SYT1: variants seen among roughly 807,000 people sequenced by gnomAD.
SYT1 encodes synaptotagmin 1.
In SYT1, 8 loss-of-function variants were observed where a neutral mutation model predicts 44.8. The observed-to-expected ratio is 0.18, with a 90% confidence interval of 0.10 to 0.32. The LOEUF (loss-of-function observed/expected upper bound fraction) is 0.32, where lower values mean the gene tolerates loss of function less well. SYT1 is among the 10% of genes least tolerant of loss of function. The pLI is 1.00. For synonymous variants in SYT1, 154 were observed against 188.8 expected, an observed-to-expected ratio of 0.82 and a Z score of 1.51; for missense variants, 286 against 509.3, an observed-to-expected ratio of 0.56 and a Z score of 4.22.
Position 79,285,818 on chromosome 12 carries a change from A to G in SYT1, c.198A>G (p.Ile66Met). ...CGTGGGCCTTAATTGCAATAGCCAT[A>G]GTCGCAGTCCTTTTAGTCCTGACCT... is the stretch of plus-strand genomic sequence containing the variant. The part of the protein sequence containing the change: ...LPPWALIAIA[I>M]VAVLLVLTCC... The change falls in exon 5 of 11, where the codon ATA becomes ATG. Residue 66 changes from isoleucine to methionine, a missense_variant. Transcript: ENST00000261205. The G allele has an allele frequency of 6.2e-7, 1 of 1,610,836 alleles. No homozygotes were observed. Among genetic ancestry groups the G allele is most frequent in the Non-Finnish European group, 8.5e-7 (1 of 1,179,216 alleles).
At chr12:79,283,675 CTTT>C (rs1202070368) in intron 4 of SYT1, among the ~76,000 whole-genome samples, 1 of 152,034 alleles carries the variant, frequency 6.6e-6, no homozygotes, top group Non-Finnish European at 1.5e-5. Context: ...GAGATAGATG[CTTT>C]TAAATGAAGT....
At chr12:79,179,535 A>ATAGATATATCTATATAGATATAGATT (rs1565842542) in intron 3 of SYT1, among the ~76,000 whole-genome samples, 14 of 130,420 alleles carry the variant, frequency 1.1e-4, no homozygotes, top group African/African-American at 3.4e-4. Flanking sequence ...AGATATAGAT[A>ATAGATATATCTATATAGATATAGATT]TAGATATAGA....
intron 4 of SYT1, among the ~76,000 whole-genome samples, chr12:79,259,396 T>G (rs1877706477): frequency 6.6e-6 from 1 of 152,208 alleles, no homozygotes; most frequent in African/African-American, 2.4e-5. Context: ...TCTAACACCT[T>G]TAAGCTTAAA....
chr12:79,349,035 A>AAAGAAAGAAAGAAAG (rs1565919879), intron 8 of SYT1, among the ~76,000 whole-genome samples: 20 of 113,294 alleles, frequency 1.8e-4, no homozygotes, highest in African/African-American at 5.3e-4. Flanking sequence ...AAGAAAGAAA[A>AAAGAAAGAAAGAAAG]AGAAAGAAAG....
chr12:79,039,700 C>A (rs1490446133), intron 2 of SYT1, among the ~76,000 whole-genome samples: 1 of 149,520 alleles, frequency 6.7e-6, no homozygotes, highest in Non-Finnish European at 1.5e-5. Context: ...TATACATGTG[C>A]CATGCTGGTG....
chr12:79,115,801 CTCAGCA>C, intron 3 of SYT1, among the ~76,000 whole-genome samples: 1 of 152,278 alleles, frequency 6.6e-6, no homozygotes, highest in Non-Finnish European at 1.5e-5. Flanking sequence ...TCCTTTATTG[CTCAGCA>C]TGCCATCCAG....
At chr12:79,327,612 A>T (rs1398883858) in intron 8 of SYT1, among the ~76,000 whole-genome samples, 1 of 152,220 alleles carries the variant, frequency 6.6e-6, no homozygotes, top group Non-Finnish European at 1.5e-5. Context: ...TTTTGCATTA[A>T]TCTGATGATT....
chr12:79,305,351 G>A (rs985162085), intron 8 of SYT1, among the ~76,000 whole-genome samples: 4 of 152,034 alleles, frequency 2.6e-5, no homozygotes, highest in East Asian at 3.9e-4. Context: ...TCTCCCTCAC[G>A]TTGTCATACT....
intron 3 of SYT1, among the ~76,000 whole-genome samples, chr12:79,191,465 G>A (rs1462164514): frequency 1.3e-5 from 2 of 152,028 alleles, no homozygotes; most frequent in East Asian, 3.9e-4. Flanking sequence ...ATAAAAATAG[G>A]CAAAGCCTTA....
chr12:79,305,714 GAGATT>G (rs1880360165), intron 8 of SYT1, among the ~76,000 whole-genome samples: 1 of 152,118 alleles, frequency 6.6e-6, no homozygotes, highest in African/African-American at 2.4e-5. Flanking sequence ...GCCATTTTTT[GAGATT>G]GAGTCTCACT....
At chr12:79,211,052 A>G (rs944299392) in intron 3 of SYT1, among the ~76,000 whole-genome samples, 2 of 151,892 alleles carry the variant, frequency 1.3e-5, no homozygotes, top group African/African-American at 4.8e-5. Flanking sequence ...AAAATAATTC[A>G]GGTTTACAAT....
At chr12:79,127,745 G>A (rs1027943294) in intron 3 of SYT1, among the ~76,000 whole-genome samples, 31 of 152,190 alleles carry the variant, frequency 2.0e-4, no homozygotes, top group African/African-American at 6.8e-4. Flanking sequence ...CACAGAAGAC[G>A]AAAAGCTCAT....
At chr12:79,314,049 G>C (rs543844062) in intron 8 of SYT1, among the ~76,000 whole-genome samples, 2 of 150,258 alleles carry the variant, frequency 1.3e-5, no homozygotes, top group African/African-American at 5.0e-5. Flanking sequence ...GGCGCCTGTA[G>C]TCCCAGCTAC....
chr12:79,271,996 A>T (rs1332909132), intron 4 of SYT1, among the ~76,000 whole-genome samples: 1 of 152,198 alleles, frequency 6.6e-6, no homozygotes, highest in African/African-American at 2.4e-5. Flanking sequence ...CAATATTTCT[A>T]CCAATGGGGA....
chr12:79,118,329 G>A (rs1374444639), intron 3 of SYT1, among the ~76,000 whole-genome samples: 1 of 152,096 alleles, frequency 6.6e-6, no homozygotes, highest in Non-Finnish European at 1.5e-5. Context: ...AGTCTCTACT[G>A]GGTTAGGTTT....
At chr12:79,178,989 T>TATATAG (rs1285267673) in intron 3 of SYT1, among the ~76,000 whole-genome samples, 2 of 69,280 alleles carry the variant, frequency 2.9e-5, no homozygotes, top group African/African-American at 1.0e-4. Flanking sequence ...TAGATATATC[T>TATATAG]ATATAGATAT....
intron 3 of SYT1, among the ~76,000 whole-genome samples, chr12:79,216,327 C>T (rs1236597247): frequency 1.3e-5 from 2 of 152,164 alleles, no homozygotes; most frequent in Non-Finnish European, 2.9e-5. Flanking sequence ...CTGTTAAGAA[C>T]GTGAAGTGAA....
At chr12:79,084,403 A>G (rs886098299) in intron 3 of SYT1, among the ~76,000 whole-genome samples, 2 of 152,164 alleles carry the variant, frequency 1.3e-5, no homozygotes, top group African/African-American at 2.4e-5. Flanking sequence ...ACTACCTTAC[A>G]TAATTAACCT....
chr12:79,329,552 T>C (rs192880184), intron 8 of SYT1, among the ~76,000 whole-genome samples: 3 of 152,350 alleles, frequency 2.0e-5, no homozygotes, highest in African/African-American at 7.2e-5. Context: ...CTTTCCACAT[T>C]CTAGGCACTG....
Sources: gnomAD v4.1 joint callset for allele counts (sites outside exome capture counted in the v4.1 genomes callset) on GRCh38, gnomAD v4.1.1 for gene constraint, MANE v1.5 for transcripts, NCBI Gene and HGNC (gene_info 2026-07-23, HGNC 2026-07-21) for gene names.